Variants in EYS observed in about 807,000 individuals in gnomAD.
EYS encodes EGF-like photoreceptor maintenance factor, also known as protein eyes shut homolog.
A neutral mutation model predicts 282.1 loss-of-function variants in EYS; 250 were observed. That is an observed-to-expected ratio of 0.89 (90% CI 0.80 to 0.98). The LOEUF is 0.98. Among genes scored for constraint, EYS ranks in the 50% least tolerant of loss-of-function variants. The pLI is 0.00. For missense variants in EYS, 4,016 were observed against 3,709.0 expected (o/e 1.08, Z -2.15); for synonymous variants, 1,355 against 1,282.9 (o/e 1.06, Z -1.20).
chr6:65,133,287 A>G (rs950311012), intron 12 of EYS, among the ~76,000 whole-genome samples: 3 of 151,986 alleles, frequency 2.0e-5, no homozygotes, highest in African/African-American at 7.2e-5. Context: ...AAAACAAAAA[A>G]AGCAAACAAC....
intron 2 of EYS, among the ~76,000 whole-genome samples, chr6:65,610,123 GAAGCA>G (rs1421870159): frequency 6.6e-6 from 1 of 151,896 alleles, no homozygotes; most frequent in African/African-American, 2.4e-5. Flanking sequence ...GTCCAGACTT[GAAGCA>G]AACTCAGGCC....
intron 35 of EYS, among the ~76,000 whole-genome samples, chr6:63,894,004 A>G (rs1773471644): frequency 6.6e-6 from 1 of 152,120 alleles, no homozygotes; most frequent in Non-Finnish European, 1.5e-5. Context: ...GAGAGACCTG[A>G]CTGTGTGAGG....
chr6:65,113,543 G>T (rs1009758409), intron 12 of EYS, among the ~76,000 whole-genome samples: 1 of 151,958 alleles, frequency 6.6e-6, no homozygotes, highest in Non-Finnish European at 1.5e-5. Context: ...GCTTCAAATG[G>T]CAGTATCTTC....
chr6:64,877,292 A>T (rs1233966984), intron 19 of EYS, among the ~76,000 whole-genome samples: 2 of 152,134 alleles, frequency 1.3e-5, no homozygotes, highest in Non-Finnish European at 2.9e-5. Context: ...AGTACTAATC[A>T]GTCTGAGGTA....
chr6:65,561,897 T>A (rs753228680), intron 2 of EYS, among the ~76,000 whole-genome samples: 169 of 151,714 alleles, frequency 1.1e-3, no homozygotes, highest in Non-Finnish European at 1.7e-3. Flanking sequence ...TTAATATTTT[T>A]ATCAGAAAGT....
intron 12 of EYS, among the ~76,000 whole-genome samples, chr6:65,104,530 A>C (rs1774980454): frequency 6.6e-6 from 1 of 151,494 alleles, no homozygotes; most frequent in Non-Finnish European, 1.5e-5. Flanking sequence ...AATTTTTCTC[A>C]TCATGGAAAA....
chr6:64,212,804 G>A (rs1039095912), intron 31 of EYS, among the ~76,000 whole-genome samples: 7 of 152,128 alleles, frequency 4.6e-5, no homozygotes, highest in African/African-American at 1.7e-4. Flanking sequence ...AAAGACTCAT[G>A]CATGCGTATG....
At chr6:65,568,838 T>G (rs1582466481) in intron 2 of EYS, among the ~76,000 whole-genome samples, 1 of 152,196 alleles carries the variant, frequency 6.6e-6, no homozygotes. Context: ...TAAAAAACAC[T>G]GATGAAACCA....
At chr6:64,039,369 G>A (rs1770277945) in intron 33 of EYS, among the ~76,000 whole-genome samples, 1 of 152,106 alleles carries the variant, frequency 6.6e-6, no homozygotes, top group Admixed American at 6.6e-5. Context: ...AATTTCTGAG[G>A]CATGGTATTG....
At chr6:63,992,415 A>G (rs1463728482) in intron 34 of EYS, among the ~76,000 whole-genome samples, 1 of 151,784 alleles carries the variant, frequency 6.6e-6, no homozygotes, top group Non-Finnish European at 1.5e-5. Flanking sequence ...AATTAAGGGC[A>G]AAAGTATAAA....
intron 19 of EYS, among the ~76,000 whole-genome samples, chr6:64,828,271 A>G (rs899318614): frequency 2.0e-5 from 3 of 151,930 alleles, no homozygotes; most frequent in Non-Finnish European, 4.4e-5. Context: ...GAATAATATC[A>G]AAGTTTCTAA....
At chr6:64,773,702 T>C (rs892864214) in intron 22 of EYS, among the ~76,000 whole-genome samples, 3 of 152,030 alleles carry the variant, frequency 2.0e-5, no homozygotes, top group African/African-American at 7.2e-5. Context: ...ATTGTGGTTT[T>C]GATTTGCATC....
chr6:64,028,554 C>A (rs1178164328), intron 33 of EYS, among the ~76,000 whole-genome samples: 1 of 152,160 alleles, frequency 6.6e-6, no homozygotes, highest in Middle Eastern at 3.2e-3. Flanking sequence ...AGTTCTGGAC[C>A]TCAAGGATGC....
chr6:65,695,515 A>C (rs1308933401), intron 1 of EYS, among the ~76,000 whole-genome samples: 1 of 152,070 alleles, frequency 6.6e-6, no homozygotes, highest in African/African-American at 2.4e-5. Flanking sequence ...ATGTGATAAA[A>C]GAGTTTTCAG....
intron 2 of EYS, among the ~76,000 whole-genome samples, chr6:65,525,164 G>C (rs909165744): frequency 5.3e-5 from 8 of 151,468 alleles, no homozygotes; most frequent in Admixed American, 2.0e-4. Context: ...CCATTTTAAA[G>C]TCATATGTTG....
chr6:64,507,526 G>A (rs1050354437), intron 26 of EYS, among the ~76,000 whole-genome samples: 4 of 152,290 alleles, frequency 2.6e-5, no homozygotes, highest in Middle Eastern at 3.4e-3. Context: ...GCTGAAGAGG[G>A]AATGAAGTGC....
rs1239032993 is a variant in EYS, at chr6:64,997,598, C to T, written c.2243G>A (p.Cys748Tyr). 7.1e-6 allele frequency: 11 copies of T among 1,551,030 alleles called. No homozygotes were observed. Among genetic ancestry groups the T allele is most frequent in the Non-Finnish European group, 9.6e-6 (11 of 1,146,430 alleles). ...ILNACEHNST[C>Y]KDLHLSYQCV... ...GATACTAACGAGATGCAGGTCTTTG[C>T]AGGTAGAATTGTGCTCACAGGCATT... Residue 748 changes from cysteine (C) to tyrosine (Y), a missense_variant, in exon 14 of 43, where the codon TGC (cysteine) becomes TAC (tyrosine). Coordinates refer to ENST00000503581, the MANE Select transcript of EYS (RefSeq NM_001142800.2).
At chr6:65,588,429 C>T (rs988400118) in intron 2 of EYS, among the ~76,000 whole-genome samples, 1 of 151,950 alleles carries the variant, frequency 6.6e-6, no homozygotes, top group Non-Finnish European at 1.5e-5. Context: ...CCTCTTAAGA[C>T]TGTGGAGATG....
intron 35 of EYS, 101 bp from the exon 36 acceptor site, chr6:63,864,459 T>A: frequency 2.6e-6 from 2 of 760,408 alleles, no homozygotes; most frequent in Non-Finnish European, 3.9e-6. Flanking sequence ...CAAATAAAAT[T>A]ATAATTGCAT....
Sources: allele counts gnomAD v4.1 joint callset (sites outside exome capture counted in the v4.1 genomes callset), GRCh38; gene constraint gnomAD v4.1.1; transcripts MANE v1.5; gene names NCBI Gene and HGNC (gene_info 2026-07-23, HGNC 2026-07-21).